The following DMD variants were observed in gnomAD, a reference collection of about 807,000 sequenced individuals.
The protein encoded by DMD is mutant dystrophin.
DMD carries 63 observed loss-of-function variants against 330.1 expected under a neutral mutation model. That is an observed-to-expected ratio of 0.19 (90% CI 0.16 to 0.24). The LOEUF is 0.24. Ranked by LOEUF, DMD falls within the 10% of genes least tolerant of loss-of-function variation. The pLI is 1.00. For missense variants in DMD, 3,344 were observed against 2,684.1 expected, an observed-to-expected ratio of 1.25 and a Z score of -5.43; for synonymous variants, 1,223 against 959.8, an observed-to-expected ratio of 1.27 and a Z score of -5.07.
chrX:32,446,902 A>G (rs2098307474), intron 27 of DMD, among the ~76,000 whole-genome samples: 1 of 110,678 alleles, frequency 9.0e-6, no homozygotes, highest in Non-Finnish European at 1.9e-5. Context: ...ATGAATAGGG[A>G]ATGTTAGAAA....
intron 52 of DMD, among the ~76,000 whole-genome samples, chrX:31,697,529 T>C (rs1016619689): frequency 1.8e-5 from 2 of 111,734 alleles, no homozygotes; most frequent in African/African-American, 6.5e-5. Context: ...AAGTGTCAAA[T>C]TGGAAACTCA....
At chrX:33,143,886 A>G (rs766955416) in intron 1 of DMD, among the ~76,000 whole-genome samples, 1 of 111,956 alleles carries the variant, frequency 8.9e-6, no homozygotes, top group African/African-American at 3.2e-5. Context: ...TTTTTTTTAA[A>G]CCAAGCAAGA....
chrX:32,904,396 G>A (rs2086559656), intron 2 of DMD, among the ~76,000 whole-genome samples: 2 of 111,164 alleles, frequency 1.8e-5, no homozygotes, highest in African/African-American at 6.5e-5. Context: ...ATTATAAGAA[G>A]AGGTGTAGTA....
At chrX:32,331,884 A>G (rs1021056713) in intron 41 of DMD, among the ~76,000 whole-genome samples, 4 of 111,864 alleles carry the variant, frequency 3.6e-5, no homozygotes, top group African/African-American at 1.3e-4. Context: ...TTAACATCTT[A>G]TTTTATACAT....
chrX:31,601,184 T>C (rs934901676), intron 55 of DMD, among the ~76,000 whole-genome samples: 1 of 112,517 alleles, frequency 8.9e-6, no homozygotes, highest in Non-Finnish European at 1.9e-5. Context: ...GCACAAACTA[T>C]GAAAAGTTCA....
At chrX:32,696,450 CAAGT>C (rs1452298204) in intron 9 of DMD, among the ~76,000 whole-genome samples, 9 of 111,528 alleles carry the variant, frequency 8.1e-5, no homozygotes, top group African/African-American at 2.3e-4. Flanking sequence ...TTAAATAAAA[CAAGT>C]AAGTGAATTT....
At chrX:32,319,465 A>C (rs2097599613) in intron 41 of DMD, among the ~76,000 whole-genome samples, 1 of 111,922 alleles carries the variant, frequency 8.9e-6, no homozygotes, top group Admixed American at 9.5e-5. Flanking sequence ...GATAATTATA[A>C]GATAGATATG....
intron 28 of DMD, among the ~76,000 whole-genome samples, chrX:32,440,024 C>G (rs1435527434): frequency 9.0e-6 from 1 of 111,092 alleles, no homozygotes; most frequent in African/African-American, 3.3e-5. Context: ...TGAACATGCC[C>G]TAGTTTTTCA....
At chrX:31,701,408 A>G (rs1262847794) in intron 52 of DMD, among the ~76,000 whole-genome samples, 1 of 112,011 alleles carries the variant, frequency 8.9e-6, no homozygotes, top group Admixed American at 9.5e-5. Flanking sequence ...GCACAATTCC[A>G]TACATTGCTT....
At chrX:31,338,457 C>T (rs1158842445) in intron 61 of DMD, among the ~76,000 whole-genome samples, 1 of 109,936 alleles carries the variant, frequency 9.1e-6, no homozygotes, top group Non-Finnish European at 1.9e-5. Flanking sequence ...CAGAACAAGA[C>T]TCCATCTCAA....
At chrX:32,144,010 A>G (rs752121150) in intron 44 of DMD, among the ~76,000 whole-genome samples, 1 of 111,690 alleles carries the variant, frequency 9.0e-6, no homozygotes, top group Non-Finnish European at 1.9e-5. Context: ...AGACTTGCCC[A>G]TCTCCCACAA....
intron 2 of DMD, among the ~76,000 whole-genome samples, chrX:32,921,449 G>T (rs903709959): frequency 8.9e-6 from 1 of 111,973 alleles, no homozygotes; most frequent in East Asian, 2.8e-4. Flanking sequence ...TATTGGCAAA[G>T]ATCAAAAGTT....
intron 9 of DMD, among the ~76,000 whole-genome samples, chrX:32,676,437 G>A (rs140130216): frequency 9.0e-6 from 1 of 111,155 alleles, no homozygotes; most frequent in African/African-American, 3.3e-5. Context: ...ATTTTGCCTG[G>A]CTTTCCAAGT....
chrX:32,297,047 A>G (rs1361332203), intron 42 of DMD, among the ~76,000 whole-genome samples: 1 of 110,037 alleles, frequency 9.1e-6, no homozygotes, highest in South Asian at 3.9e-4. Flanking sequence ...TCCCCATTTC[A>G]TCTTTCCCTC....
intron 43 of DMD, among the ~76,000 whole-genome samples, chrX:32,268,690 A>G (rs977922517): frequency 5.4e-5 from 6 of 112,088 alleles, no homozygotes; most frequent in Admixed American, 1.9e-4. Context: ...TTATATTATT[A>G]ATACCAGAAT....
intron 48 of DMD, among the ~76,000 whole-genome samples, chrX:31,873,545 T>C (rs1181883367): frequency 1.8e-5 from 2 of 111,917 alleles, no homozygotes; most frequent in Non-Finnish European, 1.9e-5. Flanking sequence ...AATTTAACAA[T>C]TAAAGTCAAT....
At chrX:32,803,033 G>A in intron 7 of DMD, among the ~76,000 whole-genome samples, 1 of 111,910 alleles carries the variant, frequency 8.9e-6, no homozygotes, top group East Asian at 2.8e-4. Context: ...AATAGTTTCA[G>A]AAGGAATGGT....
At chrX:31,925,170 G>GT (rs1404820416) in intron 47 of DMD, among the ~76,000 whole-genome samples, 1 of 111,435 alleles carries the variant, frequency 9.0e-6, no homozygotes, top group Non-Finnish European at 1.9e-5. Flanking sequence ...AACTCATATA[G>GT]TTTTTTTAAA....
At chrX:31,295,498 C>T (rs1388041627) in intron 62 of DMD, among the ~76,000 whole-genome samples, 1 of 110,719 alleles carries the variant, frequency 9.0e-6, no homozygotes, top group Non-Finnish European at 1.9e-5. Flanking sequence ...ACTGCAACCT[C>T]CACCTCCCAA....
Sources: gnomAD v4.1 joint callset for allele counts (sites outside exome capture counted in the v4.1 genomes callset) on GRCh38, gnomAD v4.1.1 for gene constraint, MANE v1.5 for transcripts, NCBI Gene and HGNC (gene_info 2026-07-23, HGNC 2026-07-21) for gene names.